Variants in KIFAP3 observed in about 807,000 individuals in gnomAD.
KIFAP3 encodes the protein kinesin associated protein 3, also known as kinesin-associated protein 3.
A neutral mutation model predicts 106.5 loss-of-function variants in KIFAP3; 68 were observed. The observed-to-expected ratio is 0.64, with a 90% CI of 0.53 to 0.78. KIFAP3 has a LOEUF of 0.78. Among genes scored for constraint, KIFAP3 ranks in the 30% least tolerant of loss-of-function variants. The pLI is 0.00. For missense variants in KIFAP3, 780 were observed against 941.8 expected, an observed-to-expected ratio of 0.83 and a Z score of 2.25; for synonymous variants, 320 against 311.5, an observed-to-expected ratio of 1.03 and a Z score of -0.29.
At chr1:170,033,843 T>C (rs1452159458) in intron 7 of KIFAP3, among the ~76,000 whole-genome samples, 3 of 151,894 alleles carry the variant, frequency 2.0e-5, no homozygotes, top group East Asian at 1.9e-4. Flanking sequence ...ATTTGTAAGA[T>C]AGGTTAAAAC....
chr1:169,929,212 T>G (rs1407335817), intron 19 of KIFAP3, among the ~76,000 whole-genome samples: 1 of 152,188 alleles, frequency 6.6e-6, no homozygotes, highest in Non-Finnish European at 1.5e-5. Flanking sequence ...GTGGCATCCA[T>G]TGCTGTCGCA....
chr1:170,046,393 G>T (rs1670258498), intron 3 of KIFAP3, among the ~76,000 whole-genome samples: 2 of 151,914 alleles, frequency 1.3e-5, no homozygotes. Context: ...TAGGTTTTCT[G>T]CCCCAAAGTC....
At chr1:169,971,628 T>C (rs12124607) in intron 17 of KIFAP3, among the ~76,000 whole-genome samples, 25,267 of 152,008 alleles carry the variant, frequency 0.17, 2,259 homozygotes, top group Middle Eastern at 0.22. Flanking sequence ...GGTGATTGTC[T>C]AGTTTCCTGA....
intron 19 of KIFAP3, among the ~76,000 whole-genome samples, chr1:169,938,618 G>C (rs1432975321): frequency 6.6e-6 from 1 of 152,084 alleles, no homozygotes; most frequent in South Asian, 2.1e-4. Context: ...GAACCTAGTG[G>C]TGCCAGTAGA....
At chr1:169,972,886 G>T (rs1446298363) in intron 16 of KIFAP3, among the ~76,000 whole-genome samples, 3 of 151,212 alleles carry the variant, frequency 2.0e-5, no homozygotes, top group Non-Finnish European at 3.0e-5. Context: ...AATACATGAG[G>T]ATCATGAACA....
chr1:170,023,219 T>C (rs1305211498), intron 9 of KIFAP3, among the ~76,000 whole-genome samples: 1 of 151,978 alleles, frequency 6.6e-6, no homozygotes, highest in African/African-American at 2.4e-5. Context: ...ATACTAAATA[T>C]ATAGGGGAAA....
chr1:170,020,070 C>T (rs977616769), intron 9 of KIFAP3, among the ~76,000 whole-genome samples: 1 of 151,968 alleles, frequency 6.6e-6, no homozygotes, highest in Non-Finnish European at 1.5e-5. Context: ...TTTTAAACTG[C>T]CACTTATAAT....
At chr1:170,076,959 G>T (rs1012487308), upstream of KIFAP3, among the ~76,000 whole-genome samples, 2 of 152,208 alleles carry the variant, frequency 1.3e-5, no homozygotes, top group Non-Finnish European at 2.9e-5. Context: ...CTTCTGGGTC[G>T]GGTGGGGACT....
At chr1:170,037,478 C>T (rs1225591309) in intron 5 of KIFAP3, among the ~76,000 whole-genome samples, 1 of 152,010 alleles carries the variant, frequency 6.6e-6, no homozygotes, top group Non-Finnish European at 1.5e-5. Context: ...ACCTGTAATC[C>T]TAGCACTTTG....
intron 11 of KIFAP3, chr1:169,989,962 G>A: frequency 8.1e-7 from 1 of 1,233,890 alleles, no homozygotes; most frequent in Non-Finnish European, 1.1e-6. Context: ...AAGGAATTAT[G>A]TAGTAGGAGT....
At chr1:170,050,915 C>A (rs926916425) in intron 2 of KIFAP3, among the ~76,000 whole-genome samples, 4 of 152,056 alleles carry the variant, frequency 2.6e-5, no homozygotes, top group Admixed American at 6.6e-5. Context: ...ACCAATGACA[C>A]TGAAGAAACT....
intron 10 of KIFAP3, among the ~76,000 whole-genome samples, chr1:169,995,728 T>C (rs943127999): frequency 5.3e-5 from 8 of 152,000 alleles, no homozygotes; most frequent in Admixed American, 1.3e-4. Flanking sequence ...TAAAAAGCAA[T>C]GTCCTGAGGT....
At chr1:170,039,711 G>A (rs74122307) in intron 3 of KIFAP3, among the ~76,000 whole-genome samples, 13,418 of 151,352 alleles carry the variant, frequency 0.089, 1,548 homozygotes, top group African/African-American at 0.26. Flanking sequence ...TAACAAAGCA[G>A]AAAGAAAAAA....
chr1:170,075,885 C>T (rs1571780366), upstream of KIFAP3, among the ~76,000 whole-genome samples: 1 of 152,296 alleles, frequency 6.6e-6, no homozygotes, highest in East Asian at 1.9e-4. Flanking sequence ...ACCTAGAGTA[C>T]TGCAATTCCT....
chr1:169,972,996 CAA>C (rs957710543), intron 16 of KIFAP3, among the ~76,000 whole-genome samples: 6 of 150,132 alleles, frequency 4.0e-5, no homozygotes, highest in African/African-American at 1.2e-4. Context: ...ACAAAACTAA[CAA>C]GAGAGATTCA....
At chr1:170,079,901 A>G (rs1387287954) in intron 1 of KIFAP3, among the ~76,000 whole-genome samples, 1 of 151,990 alleles carries the variant, frequency 6.6e-6, no homozygotes, top group Non-Finnish European at 1.5e-5. Flanking sequence ...CCAATCTATA[A>G]ACAAGGGATG....
intron 1 of KIFAP3, among the ~76,000 whole-genome samples, chr1:170,060,649 G>A (rs1187772873): frequency 6.6e-6 from 1 of 152,094 alleles, no homozygotes; most frequent in Non-Finnish European, 1.5e-5. Flanking sequence ...TCACAGAATT[G>A]GAAAAAATTA....
intron 12 of KIFAP3, among the ~76,000 whole-genome samples, chr1:169,983,759 A>T (rs1666650416): frequency 6.6e-6 from 1 of 151,910 alleles, no homozygotes; most frequent in South Asian, 2.1e-4. Context: ...AATACTTTTG[A>T]CTCAGAAAAA....
intron 2 of KIFAP3, among the ~76,000 whole-genome samples, chr1:170,050,140 GAAACA>G (rs1292672446): frequency 2.6e-5 from 4 of 152,060 alleles, no homozygotes; most frequent in Non-Finnish European, 4.4e-5. Context: ...AGTTTAGAGA[GAAACA>G]TAAATGACTT....
Sources: gnomAD v4.1 joint callset for allele counts (sites outside exome capture counted in the v4.1 genomes callset) on GRCh38, gnomAD v4.1.1 for gene constraint, MANE v1.5 for transcripts, NCBI Gene and HGNC (gene_info 2026-07-23, HGNC 2026-07-21) for gene names.